Variants in FANCA observed in about 807,000 individuals in gnomAD.
The protein encoded by FANCA is FA complementation group A.
In FANCA, 236 loss-of-function variants were observed where a neutral mutation model predicts 194.3. That is an observed-to-expected ratio of 1.21 (90% CI 1.09 to 1.35). The LOEUF is 1.35. FANCA is among the 40% of genes most tolerant of loss of function. The pLI is 0.00. For missense variants in FANCA, 2,628 were observed against 1,813.9 expected, an observed-to-expected ratio of 1.45 and a Z score of -8.15; for synonymous variants, 1,014 against 715.8, an observed-to-expected ratio of 1.42 and a Z score of -6.65.
chr16:89,778,532 G>T (rs2039591343), intron 20 of FANCA: 2 of 419,078 alleles, frequency 4.8e-6, no homozygotes, highest in Admixed American at 4.3e-5. Flanking sequence ...GGAGGCTGAA[G>T]CAAGAGAATC....
chr16:89,810,139 G>A (rs543963477), intron 5 of FANCA, among the ~76,000 whole-genome samples: 48 of 151,966 alleles, frequency 3.2e-4, no homozygotes, highest in African/African-American at 1.1e-3. Flanking sequence ...TGGCTAACAC[G>A]GTGAAACCCC....
intron 36 of FANCA, among the ~76,000 whole-genome samples, chr16:89,743,396 A>G (rs1567598846): frequency 6.6e-6 from 1 of 152,212 alleles, no homozygotes; most frequent in African/African-American, 2.4e-5. Context: ...TAATGAAACA[A>G]TGCTGTGGTT....
In FANCA at chr16:89,746,880, C is replaced by G. The variant is rs370731587; in HGVS notation, c.3359G>C (p.Cys1120Ser). The change falls in exon 34 of 43, where the codon TGC becomes TCC. Residue 1120 changes from cysteine to serine, a missense_variant. Coordinates refer to ENST00000389301, the MANE Select transcript of FANCA (RefSeq NM_000135.4). ...HLVNSEMRNF[C>S]SHGGALTQDI... ...CTGTGTCAGGGCACCTCCGTGGGAG[C>G]AGAAGTTTCTCTGCAAAAGAGTTCA... 3.1e-5 allele frequency: 49 copies of G among 1,556,976 alleles called. No homozygotes were observed. The highest frequency in any genetic ancestry group is 3.8e-5 in the Non-Finnish European group (44 of 1,149,690).
intron 17 of FANCA, among the ~76,000 whole-genome samples, chr16:89,781,228 G>C (rs2143443113): frequency 6.6e-6 from 1 of 151,486 alleles, no homozygotes; most frequent in South Asian, 2.1e-4. Context: ...GCCTGACGTG[G>C]TGGCGGGTGC....
At chr16:89,779,541 C>T (rs543750655) in intron 18 of FANCA, among the ~76,000 whole-genome samples, 27 of 152,270 alleles carry the variant, frequency 1.8e-4, no homozygotes, top group South Asian at 1.4e-3. Flanking sequence ...TGCTTCAGCA[C>T]GGGAGGGGCA....
intron 30 of FANCA, among the ~76,000 whole-genome samples, chr16:89,755,873 A>G (rs2038751135): frequency 2.0e-5 from 3 of 150,460 alleles, no homozygotes; most frequent in Non-Finnish European, 3.0e-5. Flanking sequence ...CCGCACAGAC[A>G]CAGACCGGAG....
chr16:89,791,578 G>A, intron 13 of FANCA, 42 bp from the exon 14 acceptor site: 1 of 1,612,174 alleles, frequency 6.2e-7, no homozygotes, highest in South Asian at 1.1e-5. Context: ...GGCAAGGGCA[G>A]CCAGCAGGAA....
At chr16:89,812,310 T>G (rs1435355205) in intron 3 of FANCA, among the ~76,000 whole-genome samples, 2 of 146,698 alleles carry the variant, frequency 1.4e-5, no homozygotes, top group Non-Finnish European at 3.0e-5. Flanking sequence ...TACACTGCAG[T>G]CTGGGCGACA....
chr16:89,794,860 C>A lies in FANCA; in HGVS notation c.1006+1046G>T, dbSNP rs186905891. Among the ~76,000 whole-genome samples, 6 of 152,308 alleles carry A rather than the reference C, an allele frequency of 3.9e-5. No homozygotes were observed. The East Asian group carries it at 1.2e-3, about 29-fold the overall frequency. The stretch of plus-strand genomic sequence containing the variant: ...GATGCCTGGGCCATCAAACACGCCA[C>A]CGAGTCTAGCTGAGAACCATGACAC... On this transcript the variant is annotated intron_variant, in intron 11 of 42. Transcript: ENST00000389301.
At chr16:89,739,587 G>A (rs1178080322) in intron 39 of FANCA, 34 bp from the exon 40 acceptor site, 2 of 1,547,648 alleles carry the variant, frequency 1.3e-6, no homozygotes, top group Non-Finnish European at 1.7e-6. Context: ...GGCAACTCTG[G>A]ACATCTCTGC....
chr16:89,808,442 T>G (rs2040749635), intron 5 of FANCA, 75 bp from the exon 6 acceptor site: 1 of 1,447,906 alleles, frequency 6.9e-7, no homozygotes. Flanking sequence ...ATGAATGCAT[T>G]TTCCTACAAA....
chr16:89,740,131 G>A (rs756391531), intron 38 of FANCA, 32 bp from the exon 39 acceptor site: 2 of 1,567,556 alleles, frequency 1.3e-6, no homozygotes, highest in East Asian at 2.2e-5. Context: ...CCCTGAGAAT[G>A]GCCGACCTGG....
intron 29 of FANCA, among the ~76,000 whole-genome samples, chr16:89,761,587 T>A (rs2038956350): frequency 6.6e-6 from 1 of 151,944 alleles, no homozygotes; most frequent in African/African-American, 2.4e-5. Flanking sequence ...AAACATAGGC[T>A]TTAAGGCAAT....
chr16:89,782,899 C>T lies in FANCA; in HGVS notation c.1586G>A (p.Gly529Glu), dbSNP rs1567628812. The change falls in exon 17 of 43, where the codon GGA becomes GAA. Residue 529 changes from glycine to glutamate, a missense_variant. Coordinates refer to ENST00000389301, the MANE Select transcript of FANCA (RefSeq NM_000135.4). ...ADLKVSIENM[G>E]LYEDLSSAGD... Reference sequence around the variant, plus strand: ...AGCTGATGACAAATCCTCGTAGAGTCCCATGTTTTCTATAGAAACCTTCAG... The same window carrying T: ...AGCTGATGACAAATCCTCGTAGAGTTCCATGTTTTCTATAGAAACCTTCAG... 4.3e-6 allele frequency: 7 copies of T among 1,614,084 alleles called. No individual in the cohort carries two copies. The highest frequency in any genetic ancestry group is 5.9e-6 in the Non-Finnish European group (7 of 1,179,946).
At chr16:89,740,255 C>T (rs548198509) in intron 38 of FANCA, 156 bp from the exon 39 acceptor site, 26 of 714,394 alleles carry the variant, frequency 3.6e-5, no homozygotes, top group Non-Finnish European at 6.0e-5. Context: ...AATACTGGGC[C>T]TCTGGACAGA....
At chr16:89,761,921 G>GA in intron 29 of FANCA, 28 bp downstream of exon 29, 3 of 1,589,668 alleles carry the variant, frequency 1.9e-6, no homozygotes, top group Non-Finnish European at 2.6e-6. Flanking sequence ...CATCATGCCT[G>GA]GCCAGGGTAG....
rs2062169243 is a variant in FANCA at position 89,742,802 on chromosome 16, C to A, written c.3763G>T (p.Glu1255Ter). Residue 1255 changes from glutamate to a stop codon, truncating the protein, a stop_gained and splice_region_variant, in exon 37 of 43, where the codon GAG becomes TAG. Coordinates refer to ENST00000389301, the MANE Select transcript of FANCA (RefSeq NM_000135.4). LOFTEE classifies it high-confidence loss of function. Reference sequence around the variant, plus strand: ...AGTAAAAGAATTTCCTATCTTGCCTCCTCTCTCTCGCAGTCCAGCTTCTTT... The same window carrying A: ...AGTAAAAGAATTTCCTATCTTGCCTACTCTCTCTCGCAGTCCAGCTTCTTT... The part of the protein sequence containing the change: ...QLKKLDCERE[E>*]LLVFLFFFSL... 1 of 1,614,074 alleles carries A rather than the reference C, an allele frequency of 6.2e-7. No individual in the cohort carries two copies. The highest frequency in any genetic ancestry group is 1.7e-5 in the Admixed American group (1 of 60,018).
chr16:89,776,159 C>CTTTTTTTTT (rs3069458), intron 20 of FANCA, among the ~76,000 whole-genome samples: 3 of 93,276 alleles, frequency 3.2e-5, no homozygotes, highest in Non-Finnish European at 4.5e-5. Flanking sequence ...CTTTGTTTTT[C>CTTTTTTTTT]TTTTTTTTTT....
intron 20 of FANCA, among the ~76,000 whole-genome samples, chr16:89,776,455 C>T (rs1299656326): frequency 6.6e-6 from 1 of 151,736 alleles, no homozygotes; most frequent in Non-Finnish European, 1.5e-5. Context: ...GCGTGAGCCA[C>T]CACGCCCAGC....
Sources: gnomAD v4.1 joint callset for allele counts (sites outside exome capture counted in the v4.1 genomes callset) on GRCh38, gnomAD v4.1.1 for gene constraint, MANE v1.5 for transcripts, NCBI Gene and HGNC (gene_info 2026-07-23, HGNC 2026-07-21) for gene names.